The following RANBP2 variants were observed in gnomAD, a reference collection of about 807,000 sequenced individuals.
The protein encoded by RANBP2 is E3 SUMO-protein ligase RanBP2.
RANBP2 carries 57 observed loss-of-function variants against 303.6 expected under a neutral mutation model. That is an observed-to-expected ratio of 0.19 (90% CI 0.15 to 0.23). The LOEUF (loss-of-function observed/expected upper bound fraction) is 0.23. RANBP2 is among the 10% of genes least tolerant of loss of function. The pLI, the probability that RANBP2 is intolerant of heterozygous loss-of-function variation, is 1.00. For synonymous variants in RANBP2, 1,167 were observed against 1,301.5 expected (o/e 0.90, Z 2.23); for missense variants, 3,138 against 3,780.8 (o/e 0.83, Z 4.46).
intron 23 of RANBP2, 136 bp downstream of exon 23, chr2:108,773,182 C>T: frequency 1.1e-6 from 1 of 906,454 alleles, no homozygotes; most frequent in Non-Finnish European, 1.7e-6. Flanking sequence ...CAATGGCATG[C>T]TCGTGGCTCA....
At chr2:109,458,066 G>A in the RANBP2 span, among the ~76,000 whole-genome samples, 3 of 152,164 alleles carry the variant, frequency 2.0e-5, no homozygotes, top group African/African-American at 7.2e-5. Context: ...GCAGGAGCCG[G>A]GGAGGGCACT....
At chr2:108,781,458 A>G (rs1050034610) in intron 26 of RANBP2, 29 bp downstream of exon 26, 3 of 1,607,202 alleles carry the variant, frequency 1.9e-6, no homozygotes, top group East Asian at 4.5e-5. Flanking sequence ...ACCTTTTACT[A>G]ATAACTTATT....
At chr2:108,990,400 C>T in the RANBP2 span, among the ~76,000 whole-genome samples, 2 of 141,868 alleles carry the variant, frequency 1.4e-5, no homozygotes, top group African/African-American at 2.7e-5. Flanking sequence ...CACTGCAGTC[C>T]GCAGTCCGGC....
chr2:109,218,965 C>T, the RANBP2 span, among the ~76,000 whole-genome samples: 2 of 152,210 alleles, frequency 1.3e-5, no homozygotes, highest in African/African-American at 2.4e-5. Flanking sequence ...TGTCTCTCTT[C>T]CTCACTGTTT....
At chr2:108,747,544 TTAGG>T (rs1696610391) in intron 8 of RANBP2, among the ~76,000 whole-genome samples, 2 of 152,242 alleles carry the variant, frequency 1.3e-5, no homozygotes, top group African/African-American at 4.8e-5. Context: ...TTTGTGGGAG[TTAGG>T]CTTTCAGTCC....
the RANBP2 span, among the ~76,000 whole-genome samples, chr2:109,591,679 T>C: frequency 6.6e-6 from 1 of 152,166 alleles, no homozygotes; most frequent in African/African-American, 2.4e-5. Context: ...GATGGATCAC[T>C]TGAGGCCAGG....
chr2:109,206,218 C>T, the RANBP2 span, among the ~76,000 whole-genome samples: 1 of 152,028 alleles, frequency 6.6e-6, no homozygotes, highest in Non-Finnish European at 1.5e-5. Flanking sequence ...GGGCCGGGCA[C>T]GGTGGCTCAC....
At chr2:109,085,342 C>T in the RANBP2 span, among the ~76,000 whole-genome samples, 15 of 152,270 alleles carry the variant, frequency 9.9e-5, no homozygotes, top group South Asian at 6.2e-4. Flanking sequence ...CTTGCTCTGT[C>T]GCCCAGGCTG....
rs1676936671 is a variant in RANBP2, at chr2:108,764,009, A to C, written c.3470A>C (p.Asp1157Ala). 6.2e-7 allele frequency: 1 copy of C among 1,613,790 alleles called. No individual in the cohort carries two copies. Among genetic ancestry groups the C allele is most frequent in the African/African-American group, 1.3e-5 (1 of 74,906 alleles). The change falls in exon 20 of 29, where the codon GAT becomes GCT. Residue 1157 changes from aspartate (D) to alanine (A), a missense_variant. Coordinates refer to ENST00000283195, the MANE Select transcript of RANBP2 (RefSeq NM_006267.5). ...ACAGCAAACAAGAATCATGAGACAGATGGAGGAAGTGCCCATGGGGATGAT... is the reference window on the plus strand; with the variant it reads ...ACAGCAAACAAGAATCATGAGACAGCTGGAGGAAGTGCCCATGGGGATGAT... The part of the protein sequence containing the change: ...LETANKNHET[D>A]GGSAHGDDDD...
At chr2:109,192,374 T>C in the RANBP2 span, among the ~76,000 whole-genome samples, 12 of 152,230 alleles carry the variant, frequency 7.9e-5, no homozygotes, top group Admixed American at 2.6e-4. Context: ...GGCATCATTC[T>C]CAAAATGTGG....
the RANBP2 span, chr2:109,585,274 T>G: frequency 1.2e-6 from 2 of 1,611,674 alleles, no homozygotes; most frequent in South Asian, 2.2e-5. Context: ...TCAAAATTAG[T>G]ATTAAACAAT....
the RANBP2 span, chr2:108,906,507 C>A: frequency 1.1e-6 from 1 of 875,504 alleles, no homozygotes; most frequent in East Asian, 2.6e-5. Flanking sequence ...GTCAGCAGCC[C>A]AGCCCTGACA....
the RANBP2 span, among the ~76,000 whole-genome samples, chr2:109,628,345 T>G: frequency 1.3e-5 from 2 of 151,974 alleles, no homozygotes; most frequent in African/African-American, 4.8e-5. Flanking sequence ...AATACAAAAA[T>G]TAACTAGGTG....
chr2:109,139,312 C>CT, the RANBP2 span, among the ~76,000 whole-genome samples: 203 of 145,774 alleles, frequency 1.4e-3, no homozygotes, highest in East Asian at 2.4e-3. Flanking sequence ...TGAGACTGAC[C>CT]TTTTTTTTTT....
the RANBP2 span, among the ~76,000 whole-genome samples, chr2:109,183,371 T>C: frequency 6.6e-5 from 10 of 152,194 alleles, no homozygotes; most frequent in Non-Finnish European, 1.2e-4. Flanking sequence ...ACCAAAGAGA[T>C]GGTGAACTCT....
the RANBP2 span, among the ~76,000 whole-genome samples, chr2:108,941,515 C>T: frequency 6.6e-6 from 1 of 152,182 alleles, no homozygotes; most frequent in Non-Finnish European, 1.5e-5. Flanking sequence ...CCCTTCCTGA[C>T]CAGCTGGCAG....
chr2:109,519,807 G>T, the RANBP2 span, among the ~76,000 whole-genome samples: 4,247 of 152,286 alleles, frequency 0.028, 216 homozygotes, highest in African/African-American at 0.096. Context: ...GCTGTTCCAT[G>T]TATGTAGCAT....
At chr2:109,039,221 C>T in the RANBP2 span, among the ~76,000 whole-genome samples, 1 of 152,230 alleles carries the variant, frequency 6.6e-6, no homozygotes, top group African/African-American at 2.4e-5. Flanking sequence ...CTCCAGCCTG[C>T]TGGTCTTTCT....
At chr2:109,528,543 G>A in the RANBP2 span, among the ~76,000 whole-genome samples, 7,099 of 152,254 alleles carry the variant, frequency 0.047, 564 homozygotes, top group African/African-American at 0.16. Flanking sequence ...GGGGTCTGCG[G>A]CTTAGAACAG....
Sources: allele counts gnomAD v4.1 joint callset (sites outside exome capture counted in the v4.1 genomes callset), GRCh38; gene constraint gnomAD v4.1.1; transcripts MANE v1.5; gene names NCBI Gene and HGNC (gene_info 2026-07-23, HGNC 2026-07-21).